The following KCNIP1 variants were observed in gnomAD, a reference collection of about 807,000 sequenced individuals.
The protein encoded by KCNIP1 is potassium voltage-gated channel interacting protein 1.
In KCNIP1, 18 loss-of-function variants were observed where a neutral mutation model predicts 33.0. The ratio of observed to expected loss-of-function variants is 0.55; its 90% CI spans 0.38 to 0.81. The LOEUF (loss-of-function observed/expected upper bound fraction) is 0.81. KCNIP1 is among the 30% of genes least tolerant of loss of function. KCNIP1 has a pLI of 0.00. For synonymous variants in KCNIP1, 93 were observed against 98.3 expected (o/e 0.95, Z 0.32); for missense variants, 238 against 271.6 (o/e 0.88, Z 0.87).
At chr5:170,586,818 G>A (rs1758005986) in intron 1 of KCNIP1, among the ~76,000 whole-genome samples, 2 of 152,224 alleles carry the variant, frequency 1.3e-5, no homozygotes, top group African/African-American at 4.8e-5. Flanking sequence ...TGCTTCTGGA[G>A]GGCAGGGATG....
At chr5:170,666,373 ATGCTTAGGCTTGCTT>A (rs1170327851) in intron 1 of KCNIP1, among the ~76,000 whole-genome samples, 1 of 152,104 alleles carries the variant, frequency 6.6e-6, no homozygotes, top group Non-Finnish European at 1.5e-5. Flanking sequence ...GCACCAAAAG[ATGCTTAGGCTTGCTT>A]TGAGCATCTC....
At chr5:170,599,649 G>A (rs12521642) in intron 1 of KCNIP1, among the ~76,000 whole-genome samples, 14 of 45,960 alleles carry the variant, frequency 3.0e-4, no homozygotes, top group African/African-American at 1.7e-3. Flanking sequence ...GGGGAAGAGC[G>A]AGAAGTTCCC....
In KCNIP1 at chr5:170,390,517, A is replaced by ATATATATATATATATATATATATATATAT. The variant is rs1554088941; in HGVS notation, c.88+36553_88+36554insTATATATATATATATATATATATATATAT. Among the ~76,000 whole-genome samples the ATATATATATATATATATATATATATATAT allele has an allele frequency of 5.5e-4, 41 of 74,478 alleles. 3 individuals carry two copies. Among genetic ancestry groups the ATATATATATATATATATATATATATATAT allele is most frequent in the African/African-American group, 1.7e-3 (27 of 15,570 alleles). 48.9% of individuals were successfully genotyped at this position (74,478 alleles called of 152,430 possible). A position where few individuals can be genotyped will look rare whatever the true frequency, so the allele number is the denominator to read the frequency against. ...GACCCCGTCTCAAAAAAAAAAAACA[A>ATATATATATATATATATATATATATATAT]ATATATATATATATATATATATTTT... On this transcript the variant is annotated intron_variant, in intron 1 of 7. Coordinates refer to the KCNIP1 transcript ENST00000377360.
intron 1 of KCNIP1, among the ~76,000 whole-genome samples, chr5:170,596,443 A>G (rs1758443263): frequency 6.6e-6 from 1 of 152,268 alleles, no homozygotes; most frequent in South Asian, 2.1e-4. Context: ...TGAGTCTCTC[A>G]GGGATGTGTT....
intron 1 of KCNIP1, among the ~76,000 whole-genome samples, chr5:170,594,489 A>T (rs1758372745): frequency 6.6e-6 from 1 of 152,026 alleles, no homozygotes; most frequent in Non-Finnish European, 1.5e-5. Context: ...CTGGCATGTT[A>T]GTGACTCTAA....
intron 1 of KCNIP1, among the ~76,000 whole-genome samples, chr5:170,707,096 C>T (rs930692081): frequency 6.7e-6 from 1 of 149,572 alleles, no homozygotes; most frequent in Non-Finnish European, 1.5e-5. Flanking sequence ...AGGATTGGGA[C>T]GTCATTTGAC....
chr5:170,374,224 T>C (rs1763926877), intron 1 of KCNIP1, among the ~76,000 whole-genome samples: 1 of 152,220 alleles, frequency 6.6e-6, no homozygotes. Flanking sequence ...TTAATATTTA[T>C]ATTGCATTAT....
intron 1 of KCNIP1, among the ~76,000 whole-genome samples, chr5:170,470,493 G>A (rs923551125): frequency 3.9e-5 from 6 of 152,116 alleles, no homozygotes; most frequent in Non-Finnish European, 8.8e-5. Flanking sequence ...CACTGATATT[G>A]GGATTGCAGC....
At chr5:170,439,269 C>T (rs1219652075) in intron 1 of KCNIP1, among the ~76,000 whole-genome samples, 1 of 152,204 alleles carries the variant, frequency 6.6e-6, no homozygotes, top group Non-Finnish European at 1.5e-5. Flanking sequence ...TCCCCCGTTC[C>T]CTGACCCCAT....
chr5:170,625,988 A>G (rs1161052156), intron 1 of KCNIP1, among the ~76,000 whole-genome samples: 1 of 152,128 alleles, frequency 6.6e-6, no homozygotes, highest in African/African-American at 2.4e-5. Context: ...TAGCAAAACT[A>G]AAGAGGCCCA....
At chr5:170,711,018 G>T (rs329474) in intron 1 of KCNIP1, among the ~76,000 whole-genome samples, 1 of 152,102 alleles carries the variant, frequency 6.6e-6, no homozygotes, top group African/African-American at 2.4e-5. Flanking sequence ...GGTACATGCT[G>T]TATGTGCTAA....
intron 1 of KCNIP1, among the ~76,000 whole-genome samples, chr5:170,571,040 G>A (rs950683098): frequency 2.0e-5 from 3 of 152,198 alleles, no homozygotes; most frequent in African/African-American, 7.2e-5. Flanking sequence ...TTGGAAGCCT[G>A]CAATTTGTTC....
At chr5:170,695,171 G>A (rs892299322) in intron 1 of KCNIP1, among the ~76,000 whole-genome samples, 9 of 152,080 alleles carry the variant, frequency 5.9e-5, no homozygotes, top group African/African-American at 2.2e-4. Flanking sequence ...CCATCCCCCG[G>A]CCACCCAACA....
At chr5:170,459,984 C>A (rs1292674901) in intron 1 of KCNIP1, among the ~76,000 whole-genome samples, 2 of 152,018 alleles carry the variant, frequency 1.3e-5, no homozygotes, top group African/African-American at 4.8e-5. Context: ...CAAATAAGCT[C>A]AATTAGAAAT....
At chr5:170,355,225 A>G (rs1398296443) in intron 1 of KCNIP1, among the ~76,000 whole-genome samples, 2 of 152,122 alleles carry the variant, frequency 1.3e-5, no homozygotes, top group Admixed American at 1.3e-4. Flanking sequence ...CCCAATGTGG[A>G]GGGCCAGGCT....
rs142789655 is a variant in KCNIP1 at position 170,682,964 on chromosome 5, T to A, written c.62-35794T>A. ...CTTTCTTATAAGGCTAAAGTTGCAG[T>A]AGAAATATTCCCCTGCTCTTCCTTT... On this transcript the variant is annotated intron_variant, in intron 1 of 7. Transcript: ENST00000328939. 2.0e-5 allele frequency among the ~76,000 whole-genome samples: 3 copies of A among 152,172 alleles called. No homozygotes were observed. The East Asian group carries it at 5.8e-4, about 29-fold the overall frequency.
intron 1 of KCNIP1, among the ~76,000 whole-genome samples, chr5:170,445,850 T>G (rs1329356845): frequency 6.6e-6 from 1 of 152,130 alleles, no homozygotes; most frequent in Non-Finnish European, 1.5e-5. Flanking sequence ...TGGGCAACAT[T>G]GTTCCTTCAA....
chr5:170,550,953 C>T (rs548148523), intron 1 of KCNIP1, among the ~76,000 whole-genome samples: 1 of 152,300 alleles, frequency 6.6e-6, no homozygotes, highest in East Asian at 1.9e-4. Flanking sequence ...TGGAACAGGG[C>T]TTAACCTTTC....
chr5:170,372,712 G>A (rs1237335766), intron 1 of KCNIP1, among the ~76,000 whole-genome samples: 1 of 152,188 alleles, frequency 6.6e-6, no homozygotes, highest in Non-Finnish European at 1.5e-5. Flanking sequence ...AGTCTTACTG[G>A]CACTTGGAGA....
Sources: allele counts gnomAD v4.1 joint callset (sites outside exome capture counted in the v4.1 genomes callset), GRCh38; gene constraint gnomAD v4.1.1; transcripts MANE v1.5; gene names NCBI Gene and HGNC (gene_info 2026-07-23, HGNC 2026-07-21).